Variants in LCP2 observed in about 807,000 individuals in gnomAD.
LCP2 encodes the protein lymphocyte cytosolic protein 2, also known as 76 kDa tyrosine phosphoprotein.
LCP2 carries 29 observed loss-of-function variants against 74.5 expected under a neutral mutation model. The observed-to-expected ratio is 0.39, with a 90% CI of 0.29 to 0.53. LCP2 has a LOEUF of 0.53. Among genes scored for constraint, LCP2 ranks in the 20% least tolerant of loss-of-function variants. LCP2 has a pLI of 0.72. For missense variants in LCP2, 604 were observed against 634.6 expected (o/e 0.95, Z 0.52); for synonymous variants, 228 against 229.5 (o/e 0.99, Z 0.06).
At position 170,256,713 on chromosome 5, in the gene LCP2, G is replaced by C. The variant is rs1761559523; in HGVS notation, c.1101-138C>G. ...CCCTGCTGCCCCCAAAACCATGGGG[G>C]CTGGGCACAGGGACAGAACACAGCA... is the stretch of plus-strand genomic sequence containing the variant. On this transcript the variant is annotated intron_variant, in intron 16 of 20. Coordinates refer to ENST00000046794, the MANE Select transcript of LCP2 (RefSeq NM_005565.5). This position sits in a 1 kb window ranked among gnomAD's most constrained non-coding sequence, Gnocchi z 4.5. 3 of 686,204 alleles carry C rather than the reference G, an allele frequency of 4.4e-6. No homozygotes were observed. Among genetic ancestry groups the C allele is most frequent in the South Asian group, 1.6e-5 (1 of 63,040 alleles). The allele number at this position is 686,204 out of a possible 1,614,324, so 42.5% of individuals were successfully genotyped here.
intron 17 of LCP2, among the ~76,000 whole-genome samples, chr5:170,254,261 T>C (rs1046510705): frequency 2.0e-5 from 3 of 152,188 alleles, no homozygotes; most frequent in African/African-American, 7.2e-5. Context: ...CTACTGTGCA[T>C]GAGTCAGAAT....
intron 1 of LCP2, among the ~76,000 whole-genome samples, chr5:170,294,135 G>A (rs1762333414): frequency 6.6e-6 from 1 of 152,130 alleles, no homozygotes; most frequent in South Asian, 2.1e-4. Flanking sequence ...TTCAGAACAG[G>A]CTTTAATGTC....
intron 3 of LCP2, among the ~76,000 whole-genome samples, chr5:170,285,765 T>A (rs1041053187): frequency 2.0e-5 from 3 of 152,140 alleles, no homozygotes; most frequent in Non-Finnish European, 4.4e-5. Context: ...GTCTCTCCTT[T>A]CATGCATGGA....
At chr5:170,295,648 T>C (rs777390038) in intron 1 of LCP2, among the ~76,000 whole-genome samples, 3 of 152,354 alleles carry the variant, frequency 2.0e-5, no homozygotes, top group Non-Finnish European at 1.5e-5. Flanking sequence ...TTACATGTCA[T>C]GTTTGACAGC....
At position 170,256,395 on chromosome 5, in the gene LCP2, A is replaced by C. The variant is rs928086266; in HGVS notation, c.1150+131T>G. The C allele has an allele frequency of 4.0e-6, 3 of 757,480 alleles. No homozygotes were observed. Among genetic ancestry groups the C allele is most frequent in the African/African-American group, 3.5e-5 (2 of 57,352 alleles). 46.9% of individuals were successfully genotyped at this position (757,480 alleles called of 1,614,324 possible). A position where few individuals can be genotyped will look rare whatever the true frequency, so the allele number is the denominator to read the frequency against. On this transcript the variant is annotated intron_variant, in intron 17 of 20. Transcript: ENST00000046794. This position sits in a 1 kb window ranked among gnomAD's most constrained non-coding sequence, Gnocchi z 4.5. Reference sequence around the variant, plus strand: ...TTGGCACACTGCAGACACGGAATTAAATGTTGAATGAGGAAATCAGATGCT... The same window carrying C: ...TTGGCACACTGCAGACACGGAATTACATGTTGAATGAGGAAATCAGATGCT...
chr5:170,265,009 A>C (rs1761726079), intron 10 of LCP2, among the ~76,000 whole-genome samples: 1 of 113,174 alleles, frequency 8.8e-6, no homozygotes, highest in African/African-American at 3.9e-5. Context: ...TTTTTTTGAG[A>C]CAGAGTCTCG....
At chr5:170,251,845 T>C (rs1373105383) in intron 19 of LCP2, 1 of 319,382 alleles carries the variant, frequency 3.1e-6, no homozygotes, top group Non-Finnish European at 6.5e-6. Flanking sequence ...GATCTAAATG[T>C]GCAACTACTA....
At chr5:170,255,282 C>A (rs943903055) in intron 17 of LCP2, among the ~76,000 whole-genome samples, 6 of 152,118 alleles carry the variant, frequency 3.9e-5, no homozygotes, top group Non-Finnish European at 7.3e-5. Flanking sequence ...GCAGTGGGAT[C>A]TCGCCCCTCT....
At chr5:170,289,848 T>C (rs1762259508) in intron 2 of LCP2, among the ~76,000 whole-genome samples, 1 of 150,778 alleles carries the variant, frequency 6.6e-6, no homozygotes, top group Admixed American at 6.6e-5. Flanking sequence ...GAGTGTGGTG[T>C]GAGGAGTTGA....
At chr5:170,278,629 G>A (rs1486073244) in intron 3 of LCP2, among the ~76,000 whole-genome samples, 1 of 152,002 alleles carries the variant, frequency 6.6e-6, no homozygotes, top group Non-Finnish European at 1.5e-5. Flanking sequence ...TCACCTCAAC[G>A]CCCTCCTCCT....
chr5:170,252,539 A>G (rs554385605), intron 18 of LCP2, 28 bp from the exon 19 acceptor site: 1 of 1,209,458 alleles, frequency 8.3e-7, no homozygotes, highest in South Asian at 1.3e-5. Context: ...TAGAAACTGA[A>G]TAAATTTTAC....
Position 170,272,593 on chromosome 5 carries a change from T to TTTTC in LCP2, c.325-1680_325-1677dup, listed in dbSNP as rs1243503114. Among the ~76,000 whole-genome samples the TTTTC allele has an allele frequency of 1.6e-4, 21 of 130,892 alleles. 1 individual carries two copies. In the East Asian group the frequency reaches 3.9e-3, roughly 24 times the overall value. The allele number at this position is 130,892 out of a possible 152,430, so 85.9% of individuals were successfully genotyped here. On this transcript the variant is annotated intron_variant, in intron 6 of 20. Transcript: ENST00000046794. ...GGTTATAACTGTAACCCATCAAATA[T>TTTTC]TTTCTTTTTTTTTTTTTTTTTTTTT...
intron 2 of LCP2, among the ~76,000 whole-genome samples, chr5:170,291,014 GA>G (rs1251296731): frequency 2.1e-5 from 3 of 143,926 alleles, no homozygotes; most frequent in African/African-American, 8.0e-5. Flanking sequence ...GAAAGAAAGA[GA>G]GAAAGAAAGA....
chr5:170,253,253 GC>G, intron 17 of LCP2, 40 bp from the exon 18 acceptor site: 2 of 1,346,956 alleles, frequency 1.5e-6, no homozygotes, highest in Non-Finnish European at 2.1e-6. Flanking sequence ...TTTACTGTAA[GC>G]TATTGTTTGC....
chr5:170,274,908 C>T (rs902664768), intron 5 of LCP2, among the ~76,000 whole-genome samples: 3 of 149,388 alleles, frequency 2.0e-5, no homozygotes, highest in Admixed American at 6.7e-5. Flanking sequence ...ACCCGGGAGG[C>T]AGAGCTTGCA....
intron 6 of LCP2, among the ~76,000 whole-genome samples, chr5:170,272,183 T>C (rs1366128784): frequency 6.6e-6 from 1 of 152,098 alleles, no homozygotes; most frequent in African/African-American, 2.4e-5. Context: ...ATTCCTGACT[T>C]TACACCAGCT....
chr5:170,253,061 G>A (rs1425556447), intron 18 of LCP2, 58 bp downstream of exon 18: 3 of 1,057,656 alleles, frequency 2.8e-6, no homozygotes, highest in Non-Finnish European at 4.3e-6. Flanking sequence ...GGGAGTTTCT[G>A]GTGATTCTTT....
rs138878386 is a variant in LCP2, at chr5:170,281,319, C to T, written c.189-5459G>A. 5.9e-5 allele frequency among the ~76,000 whole-genome samples: 9 copies of T among 151,830 alleles called. No homozygotes were observed. The East Asian group carries it at 1.6e-3, about 26-fold the overall frequency. On this transcript the variant is annotated intron_variant, in intron 3 of 20. Transcript: ENST00000046794. ...TTTTGAGACGGAGTCTTGCTCTGTC[C>T]CCCAGGCTGGAGTGCAGTGCCACGA... is the stretch of plus-strand genomic sequence containing the variant.
At chr5:170,282,949 C>T (rs1391982500) in intron 3 of LCP2, among the ~76,000 whole-genome samples, 2 of 152,116 alleles carry the variant, frequency 1.3e-5, no homozygotes, top group Non-Finnish European at 2.9e-5. Flanking sequence ...CCATTCCTTC[C>T]TTTTATAGTT....
Sources: gnomAD v4.1 joint callset for allele counts (sites outside exome capture counted in the v4.1 genomes callset) on GRCh38, gnomAD v4.1.1 for gene constraint, Gnocchi (gnomAD v3.1) non-coding constraint, MANE v1.5 for transcripts, NCBI Gene and HGNC (gene_info 2026-07-23, HGNC 2026-07-21) for gene names.